The following LANCL2 variants were observed in gnomAD, a reference collection of about 807,000 sequenced individuals.
The protein encoded by LANCL2 is LanC like glutathione S-transferase 2, also known as lanC-like protein 2.
Under a neutral mutation model 56.9 loss-of-function variants are expected in LANCL2, and 33 were observed. The ratio of observed to expected loss-of-function variants is 0.58; its 90% CI spans 0.44 to 0.78. The LOEUF (loss-of-function observed/expected upper bound fraction) is 0.78. Among genes scored for constraint, LANCL2 ranks in the 30% least tolerant of loss-of-function variants. The probability of loss-of-function intolerance (pLI) is 0.00; values close to 1 mark genes in which losing one functional copy is unlikely to be tolerated. For synonymous variants in LANCL2, 233 were observed against 228.2 expected, an observed-to-expected ratio of 1.02 and a Z score of -0.19; for missense variants, 562 against 580.2, an observed-to-expected ratio of 0.97 and a Z score of 0.32.
chr7:55,402,595 C>G (rs1562864398), intron 5 of LANCL2, among the ~76,000 whole-genome samples: 10 of 101,544 alleles, frequency 9.8e-5, no homozygotes, highest in South Asian at 6.2e-4. Context: ...GCTGGCCAGG[C>G]GGGGGATGAC....
chr7:55,380,467 A>G (rs1447630011), intron 1 of LANCL2, among the ~76,000 whole-genome samples: 1 of 151,792 alleles, frequency 6.6e-6, no homozygotes, highest in Non-Finnish European at 1.5e-5. Context: ...TACTTTAATG[A>G]TGGGCTAAGA....
chr7:55,366,148 C>A lies in LANCL2; in HGVS notation c.123C>A (p.Ser41=). 1 of 1,551,230 alleles carries A rather than the reference C, an allele frequency of 6.4e-7. No homozygotes were observed. Among genetic ancestry groups the A allele is most frequent in the East Asian group, 2.4e-5 (1 of 41,226 alleles). Reference sequence around the variant, plus strand: ...CCGCCGCCGGGGCGCTGCTCGCCTCCGGAGCGGCCGAAGAGACAGGCTGTG... The same window carrying A: ...CCGCCGCCGGGGCGCTGCTCGCCTCAGGAGCGGCCGAAGAGACAGGCTGTG... The part of the protein sequence containing the change: ...YEAAAGALLA[S]GAAEETGCVR... Residue 41 remains serine, a synonymous_variant, in exon 1 of 9, where the codon TCC becomes TCA. Transcript: ENST00000254770.
intron 4 of LANCL2, 143 bp from the exon 5 acceptor site, chr7:55,401,031 A>G: frequency 2.2e-6 from 1 of 458,294 alleles, no homozygotes; most frequent in Non-Finnish European, 3.8e-6. Flanking sequence ...TAACTATATT[A>G]GCTGCTAACT....
At chr7:55,398,053 A>T (rs1366599612) in intron 2 of LANCL2, among the ~76,000 whole-genome samples, 2 of 152,242 alleles carry the variant, frequency 1.3e-5, no homozygotes, top group African/African-American at 2.4e-5. Flanking sequence ...AAAAAGAAGA[A>T]GATCCAAGTT....
At chr7:55,378,984 TAGCC>T (rs1341387242) in intron 1 of LANCL2, among the ~76,000 whole-genome samples, 2 of 152,036 alleles carry the variant, frequency 1.3e-5, no homozygotes, top group Non-Finnish European at 2.9e-5. Context: ...TACAAAAAAT[TAGCC>T]AGCCTGGTTG....
rs71031842 is a variant in LANCL2 at position 55,392,333 on chromosome 7, C to CTTTTTTTTTTTTTTTTTTT, written c.322+436_322+437insTTTTTTTTTTTTTTTTTTT. On this transcript the variant is annotated intron_variant, in intron 2 of 8. Transcript: ENST00000254770. Reference sequence around the variant, plus strand: ...TAAAGATTTTATATCTTTTTTTTTTCTTTTTTTTTTTTTGAGACGGAGTCT... The same window carrying CTTTTTTTTTTTTTTTTTTT: ...TAAAGATTTTATATCTTTTTTTTTTCTTTTTTTTTTTTTTTTTTTTTTTTTTTTTTTTGAGACGGAGTCT... 2.2e-5 allele frequency among the ~76,000 whole-genome samples: 3 copies of CTTTTTTTTTTTTTTTTTTT among 136,270 alleles called. No individual in the cohort carries two copies. In the East Asian group the frequency reaches 6.3e-4, roughly 29 times the overall value. The allele number at this position is 136,270 out of a possible 152,430, so 89.4% of individuals were successfully genotyped here.
rs535301544 is a variant in LANCL2 at position 55,392,029 on chromosome 7, A to G, written c.322+119A>G. 21 of 588,190 alleles carry G rather than the reference A, an allele frequency of 3.6e-5. No individual in the cohort carries two copies. The South Asian group carries it at 4.0e-4, about 11-fold the overall frequency. 36.4% of individuals were successfully genotyped at this position (588,190 alleles called of 1,614,324 possible). The stretch of plus-strand genomic sequence containing the variant: ...AAGATTTGGCCAGGCACGGTGGCTG[A>G]CGCCTGTAATCCCAGCACATTTGGA... On this transcript the variant is annotated intron_variant, in intron 2 of 8. Transcript: ENST00000254770.
rs1355817584 is a variant in LANCL2, at chr7:55,400,001, T to A, written c.575T>A (p.Leu192His). The change falls in exon 4 of 9, where the codon CTT becomes CAT. Residue 192 changes from leucine (L) to histidine (H), a missense_variant. Around this residue, in one of 2 missense-constraint regions of LANCL2, gnomAD observed 378 missense variants for 468.4 expected, o/e 0.81. Coordinates refer to ENST00000254770, the MANE Select transcript of LANCL2 (RefSeq NM_018697.4). ...TCGGTTGTCTGCCAAGAATCAGACCTTCCTGATGAGCTGCTTTATGGACGG... is the reference window on the plus strand; with the variant it reads ...TCGGTTGTCTGCCAAGAATCAGACCATCCTGATGAGCTGCTTTATGGACGG... Reference protein sequence around the residue: ...QRSVVCQESDLPDELLYGRAG... With the variant: ...QRSVVCQESDHPDELLYGRAG... The A allele has an allele frequency of 6.2e-7, 1 of 1,613,884 alleles. No homozygotes were observed. Among genetic ancestry groups the A allele is most frequent in the Admixed American group, 1.7e-5 (1 of 60,004 alleles).
intron 8 of LANCL2, among the ~76,000 whole-genome samples, chr7:55,428,989 G>GCACAAACAGAAGCCC (rs1399828073): frequency 6.6e-6 from 1 of 152,184 alleles, no homozygotes; most frequent in African/African-American, 2.4e-5. Flanking sequence ...GAAGACAGGA[G>GCACAAACAGAAGCCC]CACAAACAGA....
chr7:55,402,552 G>A (rs1790348666), intron 5 of LANCL2, among the ~76,000 whole-genome samples: 1 of 136,242 alleles, frequency 7.3e-6, no homozygotes, highest in Non-Finnish European at 1.6e-5. Flanking sequence ...CGGGCGGGGG[G>A]CTGACCCCCC....
chr7:55,395,508 G>C (rs1457839913), intron 2 of LANCL2, among the ~76,000 whole-genome samples: 6 of 152,098 alleles, frequency 3.9e-5, no homozygotes, highest in Non-Finnish European at 8.8e-5. Flanking sequence ...CAAAGAAAGA[G>C]CTGATCCCAC....
At chr7:55,417,052 T>C (rs537780800) in intron 6 of LANCL2, among the ~76,000 whole-genome samples, 1 of 141,442 alleles carries the variant, frequency 7.1e-6, no homozygotes, top group Admixed American at 7.5e-5. Flanking sequence ...CGATCTCTGC[T>C]CACTACAAGC....
intron 1 of LANCL2, among the ~76,000 whole-genome samples, chr7:55,367,682 G>A (rs1313263121): frequency 6.6e-6 from 1 of 152,190 alleles, no homozygotes; most frequent in Non-Finnish European, 1.5e-5. Flanking sequence ...TGGAGATTGC[G>A]CCATTGCACT....
chr7:55,406,184 CT>C, intron 5 of LANCL2, among the ~76,000 whole-genome samples: 1 of 152,266 alleles, frequency 6.6e-6, no homozygotes, highest in Middle Eastern at 3.4e-3. Flanking sequence ...CAGACTTGGA[CT>C]TCGTGCTCCT....
chr7:55,429,199 T>A (rs939822565), intron 8 of LANCL2, among the ~76,000 whole-genome samples: 1 of 139,710 alleles, frequency 7.2e-6, no homozygotes, highest in Non-Finnish European at 1.5e-5. Flanking sequence ...GAGAAGTATC[T>A]TCTTCTCTTC....
At chr7:55,387,469 C>T (rs114923375) in intron 1 of LANCL2, among the ~76,000 whole-genome samples, 1,786 of 151,682 alleles carry the variant, frequency 0.012, 37 homozygotes, top group African/African-American at 0.04. Context: ...AAAAGCTGAA[C>T]GCAGTGGGAC....
intron 6 of LANCL2, among the ~76,000 whole-genome samples, chr7:55,413,595 T>A (rs1790494523): frequency 6.6e-6 from 1 of 152,226 alleles, no homozygotes; most frequent in Admixed American, 6.5e-5. Context: ...GGCCACCATC[T>A]GTTTTCACCA....
At chr7:55,374,291 G>A (rs919764340) in intron 1 of LANCL2, among the ~76,000 whole-genome samples, 7 of 152,214 alleles carry the variant, frequency 4.6e-5, no homozygotes, top group African/African-American at 1.4e-4. Context: ...GGATTGAGGT[G>A]TGTGTGCTTA....
chr7:55,365,784 G>C lies in LANCL2; in HGVS notation c.-242G>C, dbSNP rs1232944251. 2.6e-6 allele frequency: 1 copy of C among 384,564 alleles called. No homozygotes were observed. 23.8% of individuals were successfully genotyped at this position (384,564 alleles called of 1,614,324 possible). On this transcript the variant is annotated 5_prime_UTR_variant, in exon 1 of 9. Coordinates refer to ENST00000254770, the MANE Select transcript of LANCL2 (RefSeq NM_018697.4). ...AGCCCGCTCCTCTCCGTCGGGAGCA[G>C]GGCAAAGGCGCCAGGAACAGGGCAG...
Sources: gnomAD v4.1 joint callset for allele counts (sites outside exome capture counted in the v4.1 genomes callset) on GRCh38, gnomAD v4.1.1 for gene constraint, gnomAD v4.1.1 regional missense constraint, MANE v1.5 for transcripts, NCBI Gene and HGNC (gene_info 2026-07-23, HGNC 2026-07-21) for gene names.